Variants in CSMD1 observed in about 807,000 individuals in gnomAD.
CSMD1 encodes CUB and sushi domain-containing protein 1.
A neutral mutation model predicts 417.5 loss-of-function variants in CSMD1; 213 were observed. The ratio of observed to expected loss-of-function variants is 0.51; its 90% CI spans 0.46 to 0.57. The LOEUF is 0.57. Ranked by LOEUF, CSMD1 falls within the 20% of genes least tolerant of loss-of-function variation. The pLI is 0.00. For synonymous variants in CSMD1, 2,862 were observed against 1,736.8 expected (o/e 1.65, Z -16.11); for missense variants, 6,923 against 4,529.7 (o/e 1.53, Z -15.17).
At chr8:4,432,678 C>G (rs1214899501) in intron 2 of CSMD1, among the ~76,000 whole-genome samples, 2 of 152,152 alleles carry the variant, frequency 1.3e-5, no homozygotes, top group African/African-American at 4.8e-5. Context: ...AGACAAGATT[C>G]AAACCCTGGC....
At chr8:4,053,597 T>C (rs532789682) in intron 3 of CSMD1, among the ~76,000 whole-genome samples, 1 of 152,208 alleles carries the variant, frequency 6.6e-6, no homozygotes, top group Non-Finnish European at 1.5e-5. Flanking sequence ...CTTAGCAACC[T>C]CTGATCTCCT....
At chr8:3,446,443 T>G (rs528983893) in intron 12 of CSMD1, among the ~76,000 whole-genome samples, 1 of 152,250 alleles carries the variant, frequency 6.6e-6, no homozygotes, top group Non-Finnish European at 1.5e-5. Flanking sequence ...AACTCAGTTA[T>G]GATTCCTACT....
intron 4 of CSMD1, among the ~76,000 whole-genome samples, chr8:4,024,568 C>A (rs1231721605): frequency 1.2e-4 from 18 of 152,052 alleles, no homozygotes; most frequent in Non-Finnish European, 2.6e-4. Context: ...AGTTTTTCAC[C>A]CTTATTACAG....
At chr8:3,369,655 A>C (rs955958834) in intron 18 of CSMD1, among the ~76,000 whole-genome samples, 1 of 152,224 alleles carries the variant, frequency 6.6e-6, no homozygotes, top group Non-Finnish European at 1.5e-5. Context: ...CAGACATGGT[A>C]CAGGTTTGCA....
intron 3 of CSMD1, among the ~76,000 whole-genome samples, chr8:4,122,704 C>G (rs1802553952): frequency 6.6e-6 from 1 of 152,270 alleles, no homozygotes. Context: ...TGGCTAAATG[C>G]TGTAACCCAG....
At chr8:3,749,118 T>G (rs919760678) in intron 6 of CSMD1, among the ~76,000 whole-genome samples, 1 of 152,160 alleles carries the variant, frequency 6.6e-6, no homozygotes, top group Non-Finnish European at 1.5e-5. Flanking sequence ...TTTCAAAAAA[T>G]TTATCTTGTA....
chr8:3,126,539 T>C (rs1817521473), intron 41 of CSMD1, among the ~76,000 whole-genome samples: 1 of 152,192 alleles, frequency 6.6e-6, no homozygotes, highest in South Asian at 2.1e-4. Flanking sequence ...GGGGTCTCAG[T>C]AGCATGTCAG....
intron 3 of CSMD1, among the ~76,000 whole-genome samples, chr8:4,409,706 G>A (rs189367605): frequency 3.3e-5 from 5 of 150,878 alleles, no homozygotes; most frequent in Middle Eastern, 3.4e-3. Flanking sequence ...AGAAGGAGAA[G>A]GTGGACACAG....
intron 12 of CSMD1, among the ~76,000 whole-genome samples, chr8:3,443,802 G>A (rs1430095609): frequency 2.0e-5 from 3 of 152,172 alleles, no homozygotes; most frequent in Admixed American, 6.5e-5. Context: ...GTGTAAACAT[G>A]AATGCAAAAC....
At chr8:4,251,600 G>C (rs147762632) in intron 3 of CSMD1, among the ~76,000 whole-genome samples, 1 of 152,252 alleles carries the variant, frequency 6.6e-6, no homozygotes, top group East Asian at 1.9e-4. Context: ...AAGTAAATGA[G>C]ACAGGTTTCA....
At chr8:4,626,471 T>A (rs1802120399) in intron 2 of CSMD1, among the ~76,000 whole-genome samples, 1 of 152,082 alleles carries the variant, frequency 6.6e-6, no homozygotes, top group African/African-American at 2.4e-5. Context: ...GTGAGATGGG[T>A]GCAACATTTG....
chr8:3,323,417 T>C (rs17063096), intron 23 of CSMD1, among the ~76,000 whole-genome samples: 6,989 of 152,096 alleles, frequency 0.046, 356 homozygotes, highest in East Asian at 0.21. Flanking sequence ...CTAATAGTCA[T>C]CAAAGCCAGA....
At chr8:4,736,298 C>G (rs543380361) in intron 1 of CSMD1, among the ~76,000 whole-genome samples, 2 of 152,018 alleles carry the variant, frequency 1.3e-5, no homozygotes, top group South Asian at 4.2e-4. Flanking sequence ...TGTTGTGTAT[C>G]CAGGAAAATT....
intron 7 of CSMD1, among the ~76,000 whole-genome samples, chr8:3,656,998 T>C (rs1798143887): frequency 6.6e-6 from 1 of 151,910 alleles, no homozygotes; most frequent in African/African-American, 2.4e-5. Context: ...CATGGGGATG[T>C]GACCCACTCA....
At chr8:3,727,824 G>C (rs916038303) in intron 6 of CSMD1, among the ~76,000 whole-genome samples, 1 of 152,322 alleles carries the variant, frequency 6.6e-6, no homozygotes, top group Middle Eastern at 3.4e-3. Flanking sequence ...AGATGGGTGA[G>C]CTTTAGGGCA....
chr8:3,540,644 G>A (rs1458444103), intron 10 of CSMD1, among the ~76,000 whole-genome samples: 1 of 151,924 alleles, frequency 6.6e-6, no homozygotes, highest in Non-Finnish European at 1.5e-5. Flanking sequence ...CTGACAAAGG[G>A]CTAATATCCA....
intron 10 of CSMD1, among the ~76,000 whole-genome samples, chr8:3,527,483 A>C (rs912061935): frequency 1.3e-5 from 2 of 152,120 alleles, no homozygotes; most frequent in Admixed American, 6.5e-5. Context: ...CACTATGAAA[A>C]GGTTTCCCAG....
At chr8:4,791,792 C>T (rs1797704234) in intron 1 of CSMD1, among the ~76,000 whole-genome samples, 1 of 152,124 alleles carries the variant, frequency 6.6e-6, no homozygotes, top group Non-Finnish European at 1.5e-5. Flanking sequence ...TTTGAGATTC[C>T]TCCAGTTTGG....
chr8:3,443,815 T>C (rs997214490), intron 12 of CSMD1, among the ~76,000 whole-genome samples: 1 of 152,178 alleles, frequency 6.6e-6, no homozygotes, highest in African/African-American at 2.4e-5. Flanking sequence ...TGCAAAACCA[T>C]TTTAGATTGT....
Sources: gnomAD v4.1 joint callset for allele counts (sites outside exome capture counted in the v4.1 genomes callset) on GRCh38, gnomAD v4.1.1 for gene constraint, MANE v1.5 for transcripts, NCBI Gene and HGNC (gene_info 2026-07-23, HGNC 2026-07-21) for gene names.